The following STS variants were observed in gnomAD, a reference collection of about 807,000 sequenced individuals.
The protein encoded by STS is steroid sulfatase, also known as steryl-sulfatase.
STS carries 7 observed loss-of-function variants against 26.8 expected under a neutral mutation model. The ratio of observed to expected loss-of-function variants is 0.26; its 90% CI spans 0.15 to 0.49. STS has a LOEUF of 0.49. Among genes scored for constraint, STS ranks in the 20% least tolerant of loss-of-function variants. The pLI, the probability that STS is intolerant of heterozygous loss-of-function variation, is 0.98. For missense variants in STS, 434 were observed against 465.6 expected (o/e 0.93, Z 0.63); for synonymous variants, 199 against 189.4 (o/e 1.05, Z -0.42).
intron 5 of STS, among the ~76,000 whole-genome samples, chrX:7,258,103 G>GACAT (rs1197612891): frequency 1.9e-5 from 1 of 51,547 alleles, no homozygotes; most frequent in Non-Finnish European, 3.7e-5. Context: ...TAGAAAAACA[G>GACAT]ACATAGATAG....
In STS at chrX:7,324,783, G is replaced by C. The variant is rs949012174; in HGVS notation, c.1082-556G>C. On this transcript the variant is annotated intron_variant, in intron 8 of 10. Coordinates refer to ENST00000674429, the MANE Select transcript of STS (RefSeq NM_001320752.2). ...CTGAGAGGAGGTGTCTATTCTGTTA[G>C]TCGAGGGGCTTAGAATTTTATTTTT... 1.4e-4 allele frequency among the ~76,000 whole-genome samples: 16 copies of C among 111,752 alleles called. 1 individual carries two copies. In the East Asian group the frequency reaches 3.4e-3, roughly 24 times the overall value.
intron 8 of STS, among the ~76,000 whole-genome samples, chrX:7,324,138 G>C (rs1256889325): frequency 1.8e-5 from 2 of 109,162 alleles, no homozygotes; most frequent in Non-Finnish European, 3.8e-5. Flanking sequence ...ACATTGTTCA[G>C]TCTGGAAAGG....
chrX:7,209,608 ATTTTATTTTTAT>A (rs1190171169), intron 2 of STS, among the ~76,000 whole-genome samples: 302 of 107,191 alleles, frequency 2.8e-3, no homozygotes, highest in Non-Finnish European at 2.9e-3. Flanking sequence ...TATTTTATAT[ATTTTATTTTTAT>A]TTTTATTTTT....
intron 1 of STS, among the ~76,000 whole-genome samples, chrX:7,170,369 C>T (rs1189537928): frequency 2.7e-5 from 3 of 111,361 alleles, no homozygotes; most frequent in Non-Finnish European, 1.9e-5. Flanking sequence ...TTAATCAAAA[C>T]ATTCAATTGT....
At chrX:7,222,234 G>A in intron 2 of STS, among the ~76,000 whole-genome samples, 1 of 111,811 alleles carries the variant, frequency 8.9e-6, no homozygotes, top group Admixed American at 9.5e-5. Flanking sequence ...TCGTACTTTG[G>A]CATAACAGCC....
intron 8 of STS, among the ~76,000 whole-genome samples, chrX:7,306,596 C>T (rs764049394): frequency 2.7e-5 from 3 of 111,579 alleles, no homozygotes; most frequent in Non-Finnish European, 5.7e-5. Flanking sequence ...TAGATGATGA[C>T]GTGAAGCCTG....
Position 7,351,047 on chromosome X carries a change from GTAA to G in STS, c.*794_*796del, listed in dbSNP as rs1332060067. On this transcript the variant is annotated 3_prime_UTR_variant, in exon 11 of 11. Transcript: ENST00000674429. ...CAATGATTTTTTGCAAAATTTTACA[GTAA>G]TAATAATCCCAAGGCAAATCTCTCC... 2 of 112,176 alleles carry G rather than the reference GTAA, an allele frequency of 1.8e-5. No homozygotes were observed. The highest frequency in any genetic ancestry group is 3.8e-5 in the Non-Finnish European group (2 of 53,226). 9.2% of individuals were successfully genotyped at this position (112,176 alleles called of 1,213,427 possible). A position where few individuals can be genotyped will look rare whatever the true frequency, so the allele number is the denominator to read the frequency against.
chrX:7,155,589 T>C (rs753884296), intron 1 of STS, among the ~76,000 whole-genome samples: 1 of 112,039 alleles, frequency 8.9e-6, no homozygotes, highest in East Asian at 2.8e-4. Flanking sequence ...GGAAATGCCT[T>C]TATATATAAC....
intron 7 of STS, among the ~76,000 whole-genome samples, chrX:7,287,325 A>G (rs1356429289): frequency 3.6e-5 from 4 of 111,594 alleles, no homozygotes; most frequent in Non-Finnish European, 7.5e-5. Flanking sequence ...CTGATTACCA[A>G]AGTAATCCGC....
At chrX:7,245,932 G>A (rs1265513574) in intron 2 of STS, among the ~76,000 whole-genome samples, 1 of 111,873 alleles carries the variant, frequency 8.9e-6, no homozygotes, top group Non-Finnish European at 1.9e-5. Context: ...GAAGGTAGGA[G>A]AGTTCACCTT....
At chrX:7,333,704 C>T (rs1190692459) in intron 9 of STS, among the ~76,000 whole-genome samples, 14 of 112,532 alleles carry the variant, frequency 1.2e-4, no homozygotes, top group Admixed American at 1.0e-3. Context: ...AGTTCTTACT[C>T]GTCCCATGAC....
intron 1 of STS, among the ~76,000 whole-genome samples, chrX:7,189,123 G>A (rs1315690185): frequency 9.0e-6 from 1 of 111,434 alleles, no homozygotes; most frequent in African/African-American, 3.3e-5. Flanking sequence ...ATATGGAATG[G>A]TAATTTTTCT....
chrX:7,276,488 C>A lies in STS; in HGVS notation c.943+401C>A, dbSNP rs142987446. 4.7e-3 allele frequency among the ~76,000 whole-genome samples: 526 copies of A among 111,356 alleles called. 2 individuals carry two copies. Among genetic ancestry groups the A allele is most frequent in the Non-Finnish European group, 7.2e-3 (382 of 53,031 alleles). On this transcript the variant is annotated intron_variant, in intron 7 of 10. Transcript: ENST00000674429. Reference sequence around the variant, plus strand: ...TGTCTCTTAAAAAAAATATATATATCTTTACCCTCTTTTGCATGTCTGCAG... The same window carrying A: ...TGTCTCTTAAAAAAAATATATATATATTTACCCTCTTTTGCATGTCTGCAG...
At chrX:7,153,937 T>G (rs1382451618) in intron 1 of STS, among the ~76,000 whole-genome samples, 1 of 109,194 alleles carries the variant, frequency 9.2e-6, no homozygotes, top group Non-Finnish European at 1.9e-5. Context: ...TCTTCTCTCT[T>G]TTCCTGTCTT....
At chrX:7,306,313 A>G (rs1440608763) in intron 8 of STS, among the ~76,000 whole-genome samples, 1 of 111,132 alleles carries the variant, frequency 9.0e-6, no homozygotes, top group Non-Finnish European at 1.9e-5. Context: ...AAAAGGGTGT[A>G]TTTGTGCTAA....
chrX:7,219,433 C>T, intron 2 of STS: 6 of 1,057,627 alleles, frequency 5.7e-6, no homozygotes, highest in Middle Eastern at 3.9e-4. Context: ...AGAGTGTCTC[C>T]GCCTCACATT....
At chrX:7,292,637 T>C (rs1430797717) in intron 7 of STS, among the ~76,000 whole-genome samples, 2 of 110,665 alleles carry the variant, frequency 1.8e-5, no homozygotes, top group African/African-American at 6.6e-5. Context: ...GTCTTGTCGT[T>C]CCTTACCATG....
chrX:7,299,211 A>C (rs2147133036), intron 7 of STS, among the ~76,000 whole-genome samples: 1 of 95,236 alleles, frequency 1.1e-5, no homozygotes, highest in Non-Finnish European at 2.0e-5. Context: ...ATTATATAAA[A>C]TATATAAATT....
chrX:7,257,509 C>A lies in STS; in HGVS notation c.303C>A (p.Ala101=), dbSNP rs776166876. ...WSRTGVFLFT[A]SSGGLPTDEI... ...GCACTGGAGTTTTCCTCTTCACAGC[C>A]TCTTCGGGAGGACTTCCCACCGATG... Residue 101 remains alanine, a synonymous_variant, in exon 5 of 11, where the codon GCC becomes GCA. Transcript: ENST00000674429. 2 of 1,211,946 alleles carry A rather than the reference C, an allele frequency of 1.7e-6. No homozygotes were observed. Among genetic ancestry groups the A allele is most frequent in the South Asian group, 3.5e-5 (2 of 57,004 alleles).
Sources: gnomAD v4.1 joint callset for allele counts (sites outside exome capture counted in the v4.1 genomes callset) on GRCh38, gnomAD v4.1.1 for gene constraint, MANE v1.5 for transcripts, NCBI Gene and HGNC (gene_info 2026-07-23, HGNC 2026-07-21) for gene names.